Variants in RAPGEF4 observed in about 807,000 individuals in gnomAD.
The protein encoded by RAPGEF4 is Rap guanine nucleotide exchange factor 4, also known as RAP guanine-nucleotide-exchange factor (GEF) 4.
In RAPGEF4, 66 loss-of-function variants were observed where a neutral mutation model predicts 147.9. The observed-to-expected ratio is 0.45, with a 90% CI of 0.37 to 0.55. RAPGEF4 has a LOEUF of 0.55. RAPGEF4 is among the 20% of genes least tolerant of loss of function. The pLI is 0.00. For missense variants in RAPGEF4, 1,071 were observed against 1,257.3 expected, an observed-to-expected ratio of 0.85 and a Z score of 2.24; for synonymous variants, 419 against 442.7, an observed-to-expected ratio of 0.95 and a Z score of 0.67.
intron 5 of RAPGEF4, among the ~76,000 whole-genome samples, chr2:172,918,742 A>T (rs1256758667): frequency 6.6e-6 from 1 of 152,170 alleles, no homozygotes; most frequent in Non-Finnish European, 1.5e-5. Flanking sequence ...GTGTACACAT[A>T]TAACAAGATT....
chr2:172,897,769 T>TTTTATTTTATTTTATTTTATTTTA (rs1698658733), intron 4 of RAPGEF4, among the ~76,000 whole-genome samples: 1 of 8,306 alleles, frequency 1.2e-4, no homozygotes, highest in Non-Finnish European at 2.8e-4. Context: ...ATTTTATTTA[T>TTTTATTTTATTTTATTTTATTTTA]TTTATAGAGC....
chr2:172,994,769 A>C (rs1028972783), intron 15 of RAPGEF4, among the ~76,000 whole-genome samples: 4 of 152,206 alleles, frequency 2.6e-5, no homozygotes, highest in African/African-American at 7.2e-5. Context: ...TCTTTCCTCA[A>C]ATATGCATTG....
chr2:173,028,626 GC>G (rs1003730624), intron 25 of RAPGEF4, among the ~76,000 whole-genome samples: 20 of 152,026 alleles, frequency 1.3e-4, no homozygotes, highest in African/African-American at 4.3e-4. Flanking sequence ...GGTGGACTTG[GC>G]CTTCAGTATA....
At chr2:172,808,235 T>C (rs1687692409) in intron 3 of RAPGEF4, among the ~76,000 whole-genome samples, 1 of 152,250 alleles carries the variant, frequency 6.6e-6, no homozygotes. Flanking sequence ...CATATGAGAA[T>C]GTCTGCTTTA....
At chr2:173,018,879 C>A (rs139630238) in intron 22 of RAPGEF4, 77 bp downstream of exon 22, 2 of 1,508,830 alleles carry the variant, frequency 1.3e-6, no homozygotes, top group Non-Finnish European at 9.0e-7. Flanking sequence ...AAGGAGTTAG[C>A]GTGGTCATGT....
intron 6 of RAPGEF4, among the ~76,000 whole-genome samples, chr2:172,945,439 G>A (rs1031785803): frequency 3.3e-5 from 5 of 151,924 alleles, no homozygotes; most frequent in Non-Finnish European, 7.4e-5. Flanking sequence ...AGAATTATTT[G>A]TTTGTATATT....
intron 16 of RAPGEF4, among the ~76,000 whole-genome samples, chr2:172,999,172 T>A (rs540625779): frequency 6.6e-6 from 1 of 152,254 alleles, no homozygotes; most frequent in South Asian, 2.1e-4. Context: ...TCTTGACCCT[T>A]CCATTTTTGA....
At chr2:172,814,982 A>C (rs1053244386) in intron 4 of RAPGEF4, among the ~76,000 whole-genome samples, 3 of 152,234 alleles carry the variant, frequency 2.0e-5, no homozygotes, top group Non-Finnish European at 4.4e-5. Flanking sequence ...TGCATTTATC[A>C]ATGCTTACCA....
At chr2:172,901,336 A>G (rs901922393) in intron 4 of RAPGEF4, among the ~76,000 whole-genome samples, 1 of 152,182 alleles carries the variant, frequency 6.6e-6, no homozygotes. Context: ...TTTTGTTTTT[A>G]TTGGTATCAA....
At chr2:173,025,752 C>G (rs1696601731) in intron 23 of RAPGEF4, among the ~76,000 whole-genome samples, 1 of 152,208 alleles carries the variant, frequency 6.6e-6, no homozygotes, top group Non-Finnish European at 1.5e-5. Flanking sequence ...ACTTTTGTGA[C>G]TTTTGGAACT....
intron 29 of RAPGEF4, among the ~76,000 whole-genome samples, chr2:173,045,634 T>C (rs1419022509): frequency 6.6e-6 from 1 of 152,254 alleles, no homozygotes; most frequent in African/African-American, 2.4e-5. Flanking sequence ...GGGAGTCTTA[T>C]GCAAATGCAT....
intron 4 of RAPGEF4, among the ~76,000 whole-genome samples, chr2:172,909,823 ATC>A (rs1699935236): frequency 6.6e-6 from 1 of 152,172 alleles, no homozygotes; most frequent in Admixed American, 6.5e-5. Context: ...TGATATGGTC[ATC>A]TCTCTTTTAT....
At chr2:173,038,803 T>C (rs1684377325) in intron 29 of RAPGEF4, among the ~76,000 whole-genome samples, 1 of 152,178 alleles carries the variant, frequency 6.6e-6, no homozygotes, top group African/African-American at 2.4e-5. Context: ...GTTAACTAAA[T>C]TGAACAAATA....
At chr2:172,848,026 C>T (rs754109385) in intron 4 of RAPGEF4, among the ~76,000 whole-genome samples, 2 of 152,136 alleles carry the variant, frequency 1.3e-5, no homozygotes, top group Admixed American at 6.5e-5. Context: ...ATCTCTGGGG[C>T]GGGCAGTAGC....
intron 12 of RAPGEF4, among the ~76,000 whole-genome samples, chr2:172,985,951 G>A (rs1027379502): frequency 6.6e-6 from 1 of 152,182 alleles, no homozygotes; most frequent in African/African-American, 2.4e-5. Context: ...TAAGCTCCAA[G>A]CTGGAGAGAA....
At chr2:172,917,426 T>G in intron 4 of RAPGEF4, 2 of 519,992 alleles carry the variant, frequency 3.8e-6, no homozygotes, top group Middle Eastern at 3.1e-4. Flanking sequence ...AGGCAGCACA[T>G]TTATTTGTAT....
At chr2:172,834,039 A>T (rs1690658588) in intron 4 of RAPGEF4, among the ~76,000 whole-genome samples, 1 of 152,202 alleles carries the variant, frequency 6.6e-6, no homozygotes, top group Non-Finnish European at 1.5e-5. Flanking sequence ...TGGCTCCAAG[A>T]CGCAATTCCC....
intron 6 of RAPGEF4, among the ~76,000 whole-genome samples, chr2:172,930,774 T>G (rs1685837017): frequency 6.6e-6 from 1 of 152,200 alleles, no homozygotes; most frequent in African/African-American, 2.4e-5. Flanking sequence ...GGATTCAATT[T>G]GTTTGTGCTA....
intron 4 of RAPGEF4, among the ~76,000 whole-genome samples, chr2:172,819,517 G>A (rs1039399595): frequency 3.7e-5 from 5 of 136,616 alleles, no homozygotes; most frequent in African/African-American, 5.7e-5. Context: ...CCAGGCTGGA[G>A]TGCAGTGGCG....
Sources: allele counts gnomAD v4.1 joint callset (sites outside exome capture counted in the v4.1 genomes callset), GRCh38; gene constraint gnomAD v4.1.1; transcripts MANE v1.5; gene names NCBI Gene and HGNC (gene_info 2026-07-23, HGNC 2026-07-21).